Variants in WWP2 observed in about 807,000 individuals in gnomAD.
WWP2 encodes the protein WW domain containing E3 ubiquitin protein ligase 2.
In WWP2, 57 loss-of-function variants were observed where a neutral mutation model predicts 121.0. That is an observed-to-expected ratio of 0.47 (90% CI 0.38 to 0.59). The LOEUF is 0.59. WWP2 is among the 20% of genes least tolerant of loss of function. WWP2 has a pLI of 0.00. For missense variants in WWP2, 962 were observed against 1,158.9 expected (o/e 0.83, Z 2.47); for synonymous variants, 449 against 441.3 (o/e 1.02, Z -0.22).
At chr16:69,828,204 C>T (rs1469045437) in intron 4 of WWP2, among the ~76,000 whole-genome samples, 1 of 151,818 alleles carries the variant, frequency 6.6e-6, no homozygotes, top group Non-Finnish European at 1.5e-5. Context: ...GACATGAGTG[C>T]CCAATCCACC....
At chr16:69,814,749 C>G (rs1268380926) in intron 4 of WWP2, among the ~76,000 whole-genome samples, 1 of 152,174 alleles carries the variant, frequency 6.6e-6, no homozygotes, top group African/African-American at 2.4e-5. Context: ...CCTTATTGCT[C>G]CGTGAGGATG....
intron 10 of WWP2, among the ~76,000 whole-genome samples, chr16:69,922,897 T>G (rs979710772): frequency 3.2e-4 from 41 of 126,274 alleles, no homozygotes; most frequent in Middle Eastern, 3.8e-3. Context: ...CCACGACTCT[T>G]TTTTTTTTTT....
chr16:69,922,581 G>A lies in WWP2; in HGVS notation c.1180-2849G>A, dbSNP rs532381544. Among the ~76,000 whole-genome samples, 23 of 152,262 alleles carry A rather than the reference G, an allele frequency of 1.5e-4. No individual in the cohort carries two copies. In the South Asian group the frequency reaches 3.3e-3, roughly 22 times the overall value. Reference sequence around the variant, plus strand: ...CCATCTCCATCCTTTTCTGCTCCACGTAACACCTTGACATCTCTCATTTTA... The same window carrying A: ...CCATCTCCATCCTTTTCTGCTCCACATAACACCTTGACATCTCTCATTTTA... On this transcript the variant is annotated intron_variant, in intron 10 of 23. Transcript: ENST00000359154.
chr16:69,920,302 C>T (rs1447394060), intron 10 of WWP2, among the ~76,000 whole-genome samples: 4 of 152,164 alleles, frequency 2.6e-5, no homozygotes, highest in South Asian at 2.1e-4. Flanking sequence ...GCCAGGGCCC[C>T]GCTGTCTAGC....
chr16:69,867,112 A>T (rs950571718), intron 6 of WWP2, among the ~76,000 whole-genome samples: 4 of 149,182 alleles, frequency 2.7e-5, no homozygotes, highest in Admixed American at 2.7e-4. Context: ...CTGGGATTAT[A>T]GGCATGAGCC....
At chr16:69,900,880 G>T (rs2058193527) in intron 8 of WWP2, among the ~76,000 whole-genome samples, 2 of 152,176 alleles carry the variant, frequency 1.3e-5, no homozygotes, top group Admixed American at 1.3e-4. Flanking sequence ...TAAGAAGAAA[G>T]ACTTAATTCA....
At chr16:69,797,232 TGAA>T (rs1305765125) in intron 2 of WWP2, among the ~76,000 whole-genome samples, 1 of 152,206 alleles carries the variant, frequency 6.6e-6, no homozygotes, top group Non-Finnish European at 1.5e-5. Context: ...TGTTGCCACA[TGAA>T]GGCTATGAGC....
chr16:69,923,419 G>GA (rs1158877408), intron 10 of WWP2, among the ~76,000 whole-genome samples: 1 of 81,890 alleles, frequency 1.2e-5, no homozygotes, highest in Non-Finnish European at 2.7e-5. Context: ...TGAAGGCTGA[G>GA]ATTTTTTTTA....
chr16:69,882,123 G>A (rs2057841733), intron 7 of WWP2, among the ~76,000 whole-genome samples: 1 of 150,692 alleles, frequency 6.6e-6, no homozygotes, highest in Admixed American at 6.6e-5. Flanking sequence ...CCCAGCCTAA[G>A]TTTTGTATTT....
At chr16:69,894,917 G>A (rs562543927) in intron 8 of WWP2, 8 of 152,334 alleles carry the variant, frequency 5.3e-5, no homozygotes, top group African/African-American at 1.9e-4. Context: ...ATAACGGAGG[G>A]CGTTGTGTTT....
At chr16:69,790,813 T>C (rs2055893915) in intron 2 of WWP2, among the ~76,000 whole-genome samples, 1 of 152,072 alleles carries the variant, frequency 6.6e-6, no homozygotes, top group South Asian at 2.1e-4. Context: ...TGACCTCAAG[T>C]GATCCGCCTG....
chr16:69,819,349 C>G (rs1393337430), intron 4 of WWP2, among the ~76,000 whole-genome samples: 1 of 152,156 alleles, frequency 6.6e-6, no homozygotes, highest in Non-Finnish European at 1.5e-5. Flanking sequence ...CCCTGTGATG[C>G]CTTTATGTGT....
At chr16:69,926,758 C>T (rs2151984242) in intron 11 of WWP2, among the ~76,000 whole-genome samples, 1 of 152,298 alleles carries the variant, frequency 6.6e-6, no homozygotes, top group East Asian at 1.9e-4. Flanking sequence ...AAAGAAAGAT[C>T]ATTAGTATCT....
chr16:69,798,882 G>T lies in WWP2; in HGVS notation c.218+53G>T, dbSNP rs1420959884. 3 of 1,600,516 alleles carry T rather than the reference G, an allele frequency of 1.9e-6. No individual in the cohort carries two copies. In the African/African-American group the frequency reaches 4.0e-5, roughly 21 times the overall value. Reference sequence around the variant, plus strand: ...GCAGCAAGATGGGGAAAGAGAGAGGGTGCTCCGAGGGGGTTGTGGGAGGTA... The same window carrying T: ...GCAGCAAGATGGGGAAAGAGAGAGGTTGCTCCGAGGGGGTTGTGGGAGGTA... On this transcript the variant is annotated intron_variant, in intron 3 of 23. Coordinates refer to ENST00000359154, the MANE Select transcript of WWP2 (RefSeq NM_001270454.2).
chr16:69,822,431 G>A (rs1003857840), intron 4 of WWP2, among the ~76,000 whole-genome samples: 1 of 152,154 alleles, frequency 6.6e-6, no homozygotes, highest in East Asian at 1.9e-4. Context: ...ACAGAAAGTC[G>A]AACAAATGGT....
chr16:69,793,362 A>G lies in WWP2; in HGVS notation c.71-5320A>G, dbSNP rs144503914. Among the ~76,000 whole-genome samples the G allele has an allele frequency of 6.5e-3, 984 of 152,268 alleles. 10 individuals are homozygous for G. Among genetic ancestry groups the G allele is most frequent in the African/African-American group, 0.023 (941 of 41,536 alleles). On this transcript the variant is annotated intron_variant, in intron 2 of 23. Transcript: ENST00000359154. ...GCAAGACTCCATCTAAAAAAATAAT[A>G]ATAATAAATAAATAAATTCACTGGG... is the stretch of plus-strand genomic sequence containing the variant.
intron 11 of WWP2, among the ~76,000 whole-genome samples, chr16:69,927,129 A>G (rs2058651835): frequency 6.6e-6 from 1 of 152,194 alleles, no homozygotes; most frequent in Admixed American, 6.5e-5. Context: ...CAAAACTGTC[A>G]TAGTCTAGAA....
intron 7 of WWP2, among the ~76,000 whole-genome samples, chr16:69,881,382 A>AT (rs1162495060): frequency 2.0e-5 from 3 of 152,204 alleles, no homozygotes; most frequent in African/African-American, 7.2e-5. Flanking sequence ...TATCTTCCTC[A>AT]TAAGGGCATT....
At chr16:69,786,259 T>A (rs1414063326) in intron 1 of WWP2, 1 of 151,102 alleles carries the variant, frequency 6.6e-6, no homozygotes, top group Non-Finnish European at 1.5e-5. Context: ...ATTCTCTGCC[T>A]CACCCTCCTG....
Sources: allele counts gnomAD v4.1 joint callset (sites outside exome capture counted in the v4.1 genomes callset), GRCh38; gene constraint gnomAD v4.1.1; transcripts MANE v1.5; gene names NCBI Gene and HGNC (gene_info 2026-07-23, HGNC 2026-07-21).